Variants in DLG2 observed in about 807,000 individuals in gnomAD.
The protein encoded by DLG2 is discs large MAGUK scaffold protein 2.
DLG2 carries 45 observed loss-of-function variants against 132.5 expected under a neutral mutation model. The ratio of observed to expected loss-of-function variants is 0.34; its 90% CI spans 0.27 to 0.44. The LOEUF (loss-of-function observed/expected upper bound fraction) is 0.44, where lower values mean the gene tolerates loss of function less well. Among genes scored for constraint, DLG2 ranks in the 20% least tolerant of loss-of-function variants. DLG2 has a pLI of 1.00. For missense variants in DLG2, 1,045 were observed against 1,196.9 expected (o/e 0.87, Z 1.87); for synonymous variants, 424 against 419.6 (o/e 1.01, Z -0.13).
intron 3 of DLG2, among the ~76,000 whole-genome samples, chr11:85,518,563 CA>C (rs1186252944): frequency 6.6e-6 from 1 of 152,152 alleles, no homozygotes; most frequent in Non-Finnish European, 1.5e-5. Flanking sequence ...ATAAGGGAAG[CA>C]GAGCACAAAA....
intron 17 of DLG2, among the ~76,000 whole-genome samples, chr11:83,824,933 C>A (rs1306687384): frequency 3.9e-5 from 6 of 151,974 alleles, no homozygotes; most frequent in African/African-American, 1.4e-4. Flanking sequence ...ATGTTTATGA[C>A]ACATTGAATA....
chr11:84,139,234 C>G (rs1337862918), intron 9 of DLG2, among the ~76,000 whole-genome samples: 2 of 152,056 alleles, frequency 1.3e-5, no homozygotes, highest in African/African-American at 4.8e-5. Context: ...ACACACCCGC[C>G]ACAGAGGTGA....
At chr11:85,395,586 G>A (rs745772930) in intron 3 of DLG2, among the ~76,000 whole-genome samples, 1 of 152,192 alleles carries the variant, frequency 6.6e-6, no homozygotes, top group Admixed American at 6.6e-5. Context: ...CTAGCAACCA[G>A]CAGACCAGGA....
intron 14 of DLG2, among the ~76,000 whole-genome samples, chr11:83,937,876 T>G (rs914357733): frequency 6.6e-6 from 1 of 152,158 alleles, no homozygotes; most frequent in African/African-American, 2.4e-5. Context: ...GTGTAAAACC[T>G]CCTTAAAACA....
intron 19 of DLG2, among the ~76,000 whole-genome samples, chr11:83,591,704 C>G (rs1487600068): frequency 1.3e-4 from 19 of 151,056 alleles, no homozygotes; most frequent in African/African-American, 3.2e-4. Flanking sequence ...GTCAAATTGT[C>G]CCTGTTTGCA....
chr11:84,541,342 T>A (rs898928687), intron 6 of DLG2, among the ~76,000 whole-genome samples: 3 of 152,108 alleles, frequency 2.0e-5, no homozygotes, highest in Non-Finnish European at 1.5e-5. Context: ...ATTTTGCCCC[T>A]GACTTCTGGA....
chr11:85,600,384 CT>C (rs2080069848), intron 2 of DLG2, among the ~76,000 whole-genome samples: 1 of 152,132 alleles, frequency 6.6e-6, no homozygotes, highest in African/African-American at 2.4e-5. Flanking sequence ...CTTGAAAACA[CT>C]TTTTTCACTA....
At chr11:85,395,569 C>A (rs1403641326) in intron 3 of DLG2, among the ~76,000 whole-genome samples, 3 of 152,184 alleles carry the variant, frequency 2.0e-5, no homozygotes, top group Non-Finnish European at 2.9e-5. Context: ...GCACTTTTCC[C>A]ACAGTCCTAG....
At chr11:85,117,531 TTTCC>T (rs770705497) in intron 5 of DLG2, among the ~76,000 whole-genome samples, 32 of 151,510 alleles carry the variant, frequency 2.1e-4, no homozygotes, top group Admixed American at 2.0e-3. Flanking sequence ...TAATAAGAAC[TTTCC>T]TTGTCTCCTT....
intron 6 of DLG2, among the ~76,000 whole-genome samples, chr11:84,906,230 G>T (rs546143173): frequency 1.8e-3 from 224 of 127,658 alleles, no homozygotes; most frequent in African/African-American, 3.3e-3. Context: ...AACAAGTTTT[G>T]GTTTTTTTGT....
In DLG2 at chr11:84,210,918, G is replaced by A. The variant is rs1052638865; in HGVS notation, c.573+40320C>T. The stretch of plus-strand genomic sequence containing the variant: ...TCTCAGTTTAAAGTGTTACACAAGC[G>A]TATTCGTTTATCAAAACTCAGCAAT... On this transcript the variant is annotated intron_variant, in intron 8 of 27. Transcript: ENST00000376104. Among the ~76,000 whole-genome samples, 39 of 152,112 alleles carry A rather than the reference G, an allele frequency of 2.6e-4. 1 individual carries two copies. Among genetic ancestry groups the A allele is most frequent in the Admixed American group, 1.7e-3 (26 of 15,258 alleles).
intron 6 of DLG2, among the ~76,000 whole-genome samples, chr11:84,637,791 T>C (rs1004309125): frequency 1.4e-4 from 22 of 152,186 alleles, no homozygotes; most frequent in African/African-American, 5.1e-4. Context: ...GAGCTTTTGG[T>C]TTACAGTGCG....
At chr11:84,659,882 T>A (rs2099692606) in intron 6 of DLG2, among the ~76,000 whole-genome samples, 1 of 152,054 alleles carries the variant, frequency 6.6e-6, no homozygotes, top group Non-Finnish European at 1.5e-5. Context: ...AAAATAGACA[T>A]TAAAATCAGC....
Position 85,361,986 on chromosome 11 carries a change from T to C in DLG2, c.41-76621A>G, listed in dbSNP as rs1047364871. 4.6e-5 allele frequency among the ~76,000 whole-genome samples: 7 copies of C among 152,188 alleles called. No individual in the cohort carries two copies. In the South Asian group the frequency reaches 1.0e-3, roughly 22 times the overall value. On this transcript the variant is annotated intron_variant, in intron 3 of 27. Transcript: ENST00000376104. ...TCATCTATGATTTAGTTCTCTTTTT[T>C]TGAGACAAAGTCTTGCTGTGTCACT...
At chr11:85,065,438 T>C (rs1270962357) in intron 6 of DLG2, among the ~76,000 whole-genome samples, 1 of 151,580 alleles carries the variant, frequency 6.6e-6, no homozygotes, top group Non-Finnish European at 1.5e-5. Flanking sequence ...CAGAGGAGGA[T>C]ACTAAGATCC....
At chr11:85,555,405 T>C (rs2153222113) in intron 3 of DLG2, among the ~76,000 whole-genome samples, 1 of 151,944 alleles carries the variant, frequency 6.6e-6, no homozygotes, top group East Asian at 1.9e-4. Flanking sequence ...CACTAATTTA[T>C]AAAACTTTGA....
intron 6 of DLG2, among the ~76,000 whole-genome samples, chr11:84,642,117 AGTGTGTGTGTGTGT>A (rs139383928): frequency 7.2e-6 from 1 of 138,732 alleles, no homozygotes; most frequent in Non-Finnish European, 1.6e-5. Flanking sequence ...GTATATGTAG[AGTGTGTGTGTGTGT>A]GTGTGTGTGT....
chr11:84,216,665 C>T (rs12293616), intron 8 of DLG2, among the ~76,000 whole-genome samples: 12,304 of 151,970 alleles, frequency 0.081, 1,574 homozygotes, highest in African/African-American at 0.28. Context: ...AAAGGAGCAG[C>T]GGATGTGCAA....
intron 3 of DLG2, among the ~76,000 whole-genome samples, chr11:85,467,092 C>T (rs1238462333): frequency 1.3e-5 from 2 of 152,154 alleles, no homozygotes; most frequent in African/African-American, 4.8e-5. Flanking sequence ...GGAGTTCACT[C>T]ATGATTTGGC....
Sources: gnomAD v4.1 joint callset for allele counts (sites outside exome capture counted in the v4.1 genomes callset) on GRCh38, gnomAD v4.1.1 for gene constraint, MANE v1.5 for transcripts, NCBI Gene and HGNC (gene_info 2026-07-23, HGNC 2026-07-21) for gene names.